RORA: variants seen among roughly 807,000 people sequenced by gnomAD.
The protein encoded by RORA is RAR related orphan receptor A, also known as nuclear receptor ROR-alpha.
In RORA, 7 loss-of-function variants were observed where a neutral mutation model predicts 69.5. The observed-to-expected ratio is 0.10, with a 90% CI of 0.06 to 0.19. The LOEUF (loss-of-function observed/expected upper bound fraction) is 0.19, where lower values mean the gene tolerates loss of function less well. Among genes scored for constraint, RORA ranks in the 10% least tolerant of loss-of-function variants. The probability of loss-of-function intolerance (pLI) is 1.00; values close to 1 mark genes in which losing one functional copy is unlikely to be tolerated. For missense variants in RORA, 457 were observed against 663.0 expected, an observed-to-expected ratio of 0.69 and a Z score of 3.41; for synonymous variants, 261 against 240.8, an observed-to-expected ratio of 1.08 and a Z score of -0.78.
intron 1 of RORA, among the ~76,000 whole-genome samples, chr15:61,146,146 G>A (rs2079345574): frequency 6.6e-6 from 1 of 152,120 alleles, no homozygotes; most frequent in African/African-American, 2.4e-5. Flanking sequence ...AATGCATGAT[G>A]GGTTGGTTTA....
chr15:60,836,209 C>A (rs779382038), intron 1 of RORA, among the ~76,000 whole-genome samples: 2 of 152,168 alleles, frequency 1.3e-5, no homozygotes, highest in African/African-American at 2.4e-5. Flanking sequence ...GAAAAGAGCA[C>A]CCCCAGGCAG....
chr15:61,174,034 C>T (rs2079607323), intron 1 of RORA, among the ~76,000 whole-genome samples: 1 of 152,204 alleles, frequency 6.6e-6, no homozygotes, highest in African/African-American at 2.4e-5. Flanking sequence ...GAAAACATTT[C>T]CATCCTGTTC....
At chr15:60,776,879 G>A (rs1247589454) in intron 1 of RORA, among the ~76,000 whole-genome samples, 1 of 151,974 alleles carries the variant, frequency 6.6e-6, no homozygotes, top group African/African-American at 2.4e-5. Flanking sequence ...CCTTCCCTTA[G>A]CACTTATCAC....
chr15:60,811,406 G>T (rs2072741119), intron 1 of RORA, among the ~76,000 whole-genome samples: 1 of 152,148 alleles, frequency 6.6e-6, no homozygotes, highest in African/African-American at 2.4e-5. Flanking sequence ...TATTCCATCT[G>T]CTTTCCAGCT....
In RORA at chr15:61,141,464, T is replaced by A. The variant is rs140735042; in HGVS notation, c.166+87589A>T. 2.9e-3 allele frequency among the ~76,000 whole-genome samples: 436 copies of A among 152,158 alleles called. 3 individuals carry two copies. Among genetic ancestry groups the A allele is most frequent in the Non-Finnish European group, 4.8e-3 (329 of 67,966 alleles). On this transcript the variant is annotated intron_variant, in intron 1 of 10. Transcript: ENST00000335670. The stretch of plus-strand genomic sequence containing the variant: ...GAGAGCAAAAGAAAATCTAGAAAAG[T>A]GGCAAAATGATCCATTTTAATCCCA...
At chr15:60,585,185 TA>T (rs778592711) in intron 2 of RORA, among the ~76,000 whole-genome samples, 1 of 152,232 alleles carries the variant, frequency 6.6e-6, no homozygotes, top group Non-Finnish European at 1.5e-5. Context: ...TAGGAAGATC[TA>T]TATTCATTCC....
intron 1 of RORA, among the ~76,000 whole-genome samples, chr15:60,946,403 G>C (rs1016658893): frequency 1.3e-5 from 2 of 152,168 alleles, no homozygotes; most frequent in Admixed American, 6.5e-5. Flanking sequence ...GAGTGCCTGC[G>C]ATTGCAGGCG....
intron 1 of RORA, among the ~76,000 whole-genome samples, chr15:61,094,580 A>G (rs1230752839): frequency 1.3e-5 from 2 of 152,260 alleles, no homozygotes; most frequent in African/African-American, 4.8e-5. Context: ...AAGGTCCAAA[A>G]AATGCACCCA....
intron 1 of RORA, among the ~76,000 whole-genome samples, chr15:61,125,636 A>G (rs1325024628): frequency 6.6e-6 from 1 of 152,226 alleles, no homozygotes; most frequent in Non-Finnish European, 1.5e-5. Flanking sequence ...TTATTTCCCT[A>G]TGAACTAATT....
At chr15:61,120,157 T>C (rs1489745880) in intron 1 of RORA, among the ~76,000 whole-genome samples, 3 of 152,342 alleles carry the variant, frequency 2.0e-5, no homozygotes, top group South Asian at 2.1e-4. Context: ...CCACATGTCC[T>C]ATATTTTGAT....
At chr15:61,103,166 C>T (rs760197619) in intron 1 of RORA, among the ~76,000 whole-genome samples, 4 of 152,122 alleles carry the variant, frequency 2.6e-5, no homozygotes, top group Non-Finnish European at 4.4e-5. Flanking sequence ...TGTAAGCAAC[C>T]ATGGAGAAGG....
intron 1 of RORA, among the ~76,000 whole-genome samples, chr15:60,772,971 C>T (rs1326586584): frequency 6.6e-6 from 1 of 152,210 alleles, no homozygotes; most frequent in Non-Finnish European, 1.5e-5. Context: ...GGGAGTTTTC[C>T]AGGGCTGCTT....
At chr15:61,191,699 G>A (rs533434322) in intron 1 of RORA, among the ~76,000 whole-genome samples, 1 of 152,310 alleles carries the variant, frequency 6.6e-6, no homozygotes, top group South Asian at 2.1e-4. Flanking sequence ...TACTCATGCA[G>A]ACGCAGCACA....
chr15:60,994,495 A>C (rs767701548), intron 1 of RORA, among the ~76,000 whole-genome samples: 21 of 152,200 alleles, frequency 1.4e-4, no homozygotes, highest in Non-Finnish European at 2.5e-4. Context: ...CATGAGCCCC[A>C]GGAAAAAGGG....
intron 1 of RORA, among the ~76,000 whole-genome samples, chr15:60,858,690 A>AATACACAC (rs2073405517): frequency 2.7e-5 from 1 of 36,978 alleles, no homozygotes; most frequent in Non-Finnish European, 5.4e-5. Flanking sequence ...AAAGAAAGAA[A>AATACACAC]ATACACACAC....
At chr15:61,122,606 C>A (rs988847855) in intron 1 of RORA, among the ~76,000 whole-genome samples, 1 of 152,032 alleles carries the variant, frequency 6.6e-6, no homozygotes, top group Non-Finnish European at 1.5e-5. Flanking sequence ...GAGGATATCA[C>A]TTTTTTTCAG....
chr15:60,596,813 A>G (rs1353646105), intron 2 of RORA, among the ~76,000 whole-genome samples: 1 of 152,228 alleles, frequency 6.6e-6, no homozygotes, highest in African/African-American at 2.4e-5. Context: ...ATACATATGC[A>G]TAGTTCATGA....
intron 2 of RORA, among the ~76,000 whole-genome samples, chr15:60,644,492 C>T (rs1480815482): frequency 1.3e-5 from 2 of 152,204 alleles, no homozygotes; most frequent in East Asian, 3.8e-4. Context: ...CAATTGGAAT[C>T]TTTGACATGG....
intron 1 of RORA, among the ~76,000 whole-genome samples, chr15:60,995,120 T>G (rs1595867059): frequency 6.6e-6 from 1 of 152,132 alleles, no homozygotes; most frequent in Non-Finnish European, 1.5e-5. Context: ...CAGTGGAGAC[T>G]GGGAGGGTGG....
Sources: allele counts gnomAD v4.1 joint callset (sites outside exome capture counted in the v4.1 genomes callset), GRCh38; gene constraint gnomAD v4.1.1; transcripts MANE v1.5; gene names NCBI Gene and HGNC (gene_info 2026-07-23, HGNC 2026-07-21).